The following DNAH9 variants were observed in gnomAD, a reference collection of about 807,000 sequenced individuals.
DNAH9 encodes dynein axonemal heavy chain 9.
In DNAH9, 345 loss-of-function variants were observed where a neutral mutation model predicts 471.6. The observed-to-expected ratio is 0.73, with a 90% CI of 0.67 to 0.80. The LOEUF is 0.80. Ranked by LOEUF, DNAH9 falls within the 30% of genes least tolerant of loss-of-function variation. The pLI, the probability that DNAH9 is intolerant of heterozygous loss-of-function variation, is 0.00. For synonymous variants in DNAH9, 2,093 were observed against 2,123.6 expected (o/e 0.99, Z 0.40); for missense variants, 5,407 against 5,609.2 (o/e 0.96, Z 1.15).
chr17:11,769,059 C>G, intron 37 of DNAH9, 63 bp from the exon 38 acceptor site: 4 of 1,561,174 alleles, frequency 2.6e-6, no homozygotes, highest in Non-Finnish European at 3.5e-6. Flanking sequence ...TTCGGAACGC[C>G]GCTGGTGCAT....
chr17:11,620,000 C>T (rs2072821984), intron 6 of DNAH9: 1 of 543,824 alleles, frequency 1.8e-6, no homozygotes, highest in Admixed American at 3.3e-5. Context: ...TGCTTGAGCC[C>T]AGGAGTTTAA....
Position 11,636,599 on chromosome 17 carries a change from A to AT in DNAH9, c.1636-28dup, listed in dbSNP as rs151215889. 7,875 of 1,595,914 alleles carry AT rather than the reference A, an allele frequency of 4.9e-3. 313 individuals carry two copies. In the African/African-American group the frequency reaches 0.088, roughly 18 times the overall value. ...TAACCATGGAAAGGTTTAATCTGTG[A>AT]TTTTTTTCCTCTTTTTCCTCCACCT... On this transcript the variant is annotated intron_variant, in intron 8 of 68. Transcript: ENST00000262442.
At chr17:11,733,329 C>T (rs2075297303) in intron 28 of DNAH9, among the ~76,000 whole-genome samples, 1 of 152,190 alleles carries the variant, frequency 6.6e-6, no homozygotes, top group African/African-American at 2.4e-5. Context: ...ATGTCACCTG[C>T]ACAGAGACAG....
At chr17:11,759,434 T>C (rs1371023236) in intron 35 of DNAH9, among the ~76,000 whole-genome samples, 1 of 152,100 alleles carries the variant, frequency 6.6e-6, no homozygotes, top group Non-Finnish European at 1.5e-5. Context: ...GTTCCATGCA[T>C]GTTGCTGCAA....
chr17:11,651,345 G>A, intron 13 of DNAH9, 21 bp downstream of exon 13: 1 of 1,598,634 alleles, frequency 6.3e-7, no homozygotes, highest in South Asian at 1.1e-5. Flanking sequence ...ACCATCTGAA[G>A]TCTGACAAAA....
At chr17:11,942,261 A>C in intron 66 of DNAH9, 42 bp from the exon 67 acceptor site, 1 of 1,599,486 alleles carries the variant, frequency 6.3e-7, no homozygotes, top group Non-Finnish European at 8.5e-7. Flanking sequence ...CTTCTGGAGA[A>C]TAGAGCCCTT....
intron 28 of DNAH9, among the ~76,000 whole-genome samples, chr17:11,734,660 T>A (rs796892550): frequency 2.9e-4 from 44 of 152,346 alleles, no homozygotes; most frequent in African/African-American, 9.9e-4. Flanking sequence ...GGGGAACCTC[T>A]GGCCTTTTCC....
intron 22 of DNAH9, among the ~76,000 whole-genome samples, chr17:11,698,249 T>G (rs1391265562): frequency 4.2e-5 from 2 of 47,370 alleles, no homozygotes; most frequent in Non-Finnish European, 9.6e-5. Flanking sequence ...TTATATAATA[T>G]ATTAATATAT....
In DNAH9 at chr17:11,883,572, C is replaced by G; in HGVS notation, c.10807-14C>G. ...GGCATCTGCACCTGACTGTCTCTTG[C>G]TTGATATTTGCAGTCCGATCTCACA... is the stretch of plus-strand genomic sequence containing the variant. On this transcript the variant is annotated splice_polypyrimidine_tract_variant and intron_variant, in intron 55 of 68. Coordinates refer to ENST00000262442, the MANE Select transcript of DNAH9 (RefSeq NM_001372.4). 6.2e-7 allele frequency: 1 copy of G among 1,613,452 alleles called. No individual in the cohort carries two copies. The highest frequency in any genetic ancestry group is 8.5e-7 in the Non-Finnish European group (1 of 1,179,614).
In DNAH9 at chr17:11,789,012, A is replaced by T. The variant is rs550964269; in HGVS notation, c.8061+4473A>T. ...TAATTATATAAAGTTTTTCTCTTCT[A>T]TTCTGGTAATATGATAAATTAATTG... On this transcript the variant is annotated intron_variant, in intron 41 of 68. Transcript: ENST00000262442. Among the ~76,000 whole-genome samples, 30 of 152,120 alleles carry T rather than the reference A, an allele frequency of 2.0e-4. No individual in the cohort carries two copies. The East Asian group carries it at 5.6e-3, about 28-fold the overall frequency.
intron 67 of DNAH9, among the ~76,000 whole-genome samples, chr17:11,960,629 G>C (rs1462980828): frequency 6.6e-6 from 1 of 151,400 alleles, no homozygotes; most frequent in Non-Finnish European, 1.5e-5. Context: ...CATAGTGACA[G>C]ATGCCTGTAA....
At chr17:11,719,590 C>G (rs2075020472) in intron 27 of DNAH9, 100 bp downstream of exon 27, 1 of 1,155,662 alleles carries the variant, frequency 8.7e-7, no homozygotes, top group African/African-American at 1.5e-5. Context: ...GACCCAGCTT[C>G]CCCAGGTCTC....
At position 11,929,905 on chromosome 17, in the gene DNAH9, A is replaced by G. The variant is rs770274406; in HGVS notation, c.11917A>G (p.Lys3973Glu). 3.7e-6 allele frequency: 6 copies of G among 1,613,840 alleles called. No homozygotes were observed. ...GGCCAAGTGGCTCAGCACCCTGGAG[A>G]AGAAGCTGGAGGAGCACAGTGAGAA... ...LVAKWLSTLE[K>E]KLEEHSENSH... The change falls in exon 63 of 69, where the codon AAG becomes GAG. Residue 3973 changes from lysine (K) to glutamate (E), a missense_variant. Transcript: ENST00000262442.
intron 1 of DNAH9, among the ~76,000 whole-genome samples, chr17:11,604,027 C>CT (rs34701859): frequency 0.24 from 35,227 of 144,330 alleles, 4,848 homozygotes; most frequent in East Asian, 0.55. Flanking sequence ...TTCCCCACTT[C>CT]TTTTTTTTTT....
Position 11,664,889 on chromosome 17 carries a change from T to G in DNAH9, c.2652T>G (p.Val884=). 6.2e-7 allele frequency: 1 copy of G among 1,612,742 alleles called. No homozygotes were observed. Among genetic ancestry groups the G allele is most frequent in the South Asian group, 1.1e-5 (1 of 91,026 alleles). ...DPTSNIWKTY[V]NSIDNLLLNG... ...CCTCCAATATCTGGAAGACTTATGT[T>G]AACTCTATTGACAATTTGTTGCTGA... Residue 884 remains valine (V), a synonymous_variant, in exon 15 of 69, where the codon GTT becomes GTG. Coordinates refer to ENST00000262442, the MANE Select transcript of DNAH9 (RefSeq NM_001372.4).
At chr17:11,850,574 C>G (rs961191741) in intron 49 of DNAH9, among the ~76,000 whole-genome samples, 1 of 151,638 alleles carries the variant, frequency 6.6e-6, no homozygotes, top group Admixed American at 6.6e-5. Flanking sequence ...TCGCCTGAAC[C>G]CGGGAGGTGG....
At chr17:11,841,077 T>TC (rs1236356814) in intron 49 of DNAH9, among the ~76,000 whole-genome samples, 4 of 152,352 alleles carry the variant, frequency 2.6e-5, no homozygotes, top group African/African-American at 9.6e-5. Flanking sequence ...TGAACACTGC[T>TC]CCTCCCACAT....
chr17:11,756,583 A>G lies in DNAH9; in HGVS notation c.6754A>G (p.Ser2252Gly). 1.2e-6 allele frequency: 2 copies of G among 1,612,370 alleles called. No individual in the cohort carries two copies. Among genetic ancestry groups the G allele is most frequent in the Non-Finnish European group, 1.7e-6 (2 of 1,178,366 alleles). Residue 2252 changes from serine to glycine, a missense_variant, in exon 34 of 69, where the codon AGC becomes GGC. Ser to Gly is a moderately conservative substitution (Grantham distance 56). This residue lies in a region of DNAH9 where 4,636 missense variants were observed against 4,900.3 expected (regional missense o/e 0.95). Coordinates refer to ENST00000262442, the MANE Select transcript of DNAH9 (RefSeq NM_001372.4). ...TTGTCTCCAGGTGCTGACATTGGCC[A>G]GCAATGAGAGGATTCCTCTGAACCC... ...MDDNKVLTLA[S>G]NERIPLNPTM...
chr17:11,683,164 C>A (rs1201673064), intron 19 of DNAH9, among the ~76,000 whole-genome samples: 1 of 152,120 alleles, frequency 6.6e-6, no homozygotes, highest in Non-Finnish European at 1.5e-5. Context: ...AACAGTCTCT[C>A]TCTTTTTGTT....
Sources: gnomAD v4.1 joint callset for allele counts (sites outside exome capture counted in the v4.1 genomes callset) on GRCh38, gnomAD v4.1.1 for gene constraint, gnomAD v4.1.1 regional missense constraint, MANE v1.5 for transcripts, NCBI Gene and HGNC (gene_info 2026-07-23, HGNC 2026-07-21) for gene names.